Variants in DMXL1 observed in about 807,000 individuals in gnomAD.
DMXL1 encodes the protein dmX-like protein 1.
DMXL1 carries 99 observed loss-of-function variants against 319.2 expected under a neutral mutation model. The observed-to-expected ratio is 0.31, with a 90% CI of 0.26 to 0.37. DMXL1 has a LOEUF of 0.37. DMXL1 is among the 10% of genes least tolerant of loss of function. The pLI is 1.00. For missense variants in DMXL1, 3,745 were observed against 3,595.6 expected (o/e 1.04, Z -1.06); for synonymous variants, 1,385 against 1,235.2 (o/e 1.12, Z -2.54).
chr5:119,124,563 CTTT>C (rs34589863), intron 9 of DMXL1, among the ~76,000 whole-genome samples: 2,945 of 102,840 alleles, frequency 0.029, 55 homozygotes, highest in African/African-American at 0.097. Flanking sequence ...ATGGTGATGA[CTTT>C]TTTTTTTTTT....
chr5:119,145,202 A>G (rs1372627940), intron 15 of DMXL1, among the ~76,000 whole-genome samples: 1 of 151,834 alleles, frequency 6.6e-6, no homozygotes, highest in African/African-American at 2.4e-5. Context: ...TTATAAATCA[A>G]TTATACAGTA....
chr5:119,181,835 G>T (rs186103503), intron 28 of DMXL1, among the ~76,000 whole-genome samples: 1 of 151,486 alleles, frequency 6.6e-6, no homozygotes, highest in Non-Finnish European at 1.5e-5. Flanking sequence ...AAAGGAGCAG[G>T]CAGAAAGAGG....
intron 1 of DMXL1, among the ~76,000 whole-genome samples, chr5:119,090,987 C>T (rs1754671441): frequency 6.6e-6 from 1 of 151,978 alleles, no homozygotes; most frequent in South Asian, 2.1e-4. Context: ...TTCTCAGTTC[C>T]AAGATTTCTG....
intron 26 of DMXL1, among the ~76,000 whole-genome samples, chr5:119,175,980 G>A (rs989605568): frequency 1.3e-5 from 2 of 151,882 alleles, no homozygotes; most frequent in Non-Finnish European, 2.9e-5. Context: ...AACAGATATT[G>A]CAACTTCTGG....
chr5:119,225,345 TTC>T (rs1427588474), intron 38 of DMXL1, among the ~76,000 whole-genome samples: 1 of 152,076 alleles, frequency 6.6e-6, no homozygotes, highest in Non-Finnish European at 1.5e-5. Context: ...TCTTAAAAGT[TTC>T]TCTTCCTTCA....
rs370766657 is a variant in DMXL1 at position 119,147,514 on chromosome 5, G to A, written c.2911+44G>A. On this transcript the variant is annotated intron_variant, in intron 17 of 43. Transcript: ENST00000539542. ...AAGAGACTAATTTTGTAACACATGA[G>A]TATTTACCAGGTATTTAAAAATAGG... The A allele has an allele frequency of 5.7e-5, 76 of 1,330,136 alleles. 2 individuals carry two copies. Among genetic ancestry groups the A allele is most frequent in the Non-Finnish European group, 7.4e-5 (69 of 928,562 alleles). The allele number at this position is 1,330,136 out of a possible 1,614,324, so 82.4% of individuals were successfully genotyped here.
intron 4 of DMXL1, among the ~76,000 whole-genome samples, chr5:119,107,879 T>A (rs1281633163): frequency 6.6e-6 from 1 of 152,226 alleles, no homozygotes; most frequent in Non-Finnish European, 1.5e-5. Flanking sequence ...CTAGAGACTT[T>A]GTGCATATTA....
intron 19 of DMXL1, among the ~76,000 whole-genome samples, chr5:119,161,266 G>T (rs1254204121): frequency 6.6e-6 from 1 of 152,206 alleles, no homozygotes; most frequent in Non-Finnish European, 1.5e-5. Flanking sequence ...CAAGACCACT[G>T]TCAAGACCAC....
intron 24 of DMXL1, among the ~76,000 whole-genome samples, chr5:119,171,481 T>G (rs1774534278): frequency 6.6e-6 from 1 of 151,232 alleles, no homozygotes. Flanking sequence ...TCAGGCCTTA[T>G]GACCTGCTTA....
chr5:119,226,106 A>G (rs1785500444), intron 38 of DMXL1, among the ~76,000 whole-genome samples: 1 of 152,148 alleles, frequency 6.6e-6, no homozygotes, highest in African/African-American at 2.4e-5. Context: ...GCCACGCTCA[A>G]AGCTTCAAAG....
rs1347677876 is a variant in DMXL1, at chr5:119,133,136, T to C, written c.1320T>C (p.Thr440=). 5 of 1,613,854 alleles carry C rather than the reference T, an allele frequency of 3.1e-6. No individual in the cohort carries two copies. The highest frequency in any genetic ancestry group is 2.2e-5 in the East Asian group (1 of 44,864). The change falls in exon 11 of 44, where the codon ACT becomes ACC. Residue 440 remains threonine, a synonymous_variant. Transcript: ENST00000539542. ...CATGAACTCTTTTGCTTATAGAAAC[T>C]GATGATGGTGTTGATGATCTGAAAA... ...NQADVKSDEE[T]DDGVDDLKIN...
At chr5:119,163,296 A>G (rs1772668197) in intron 19 of DMXL1, among the ~76,000 whole-genome samples, 1 of 152,244 alleles carries the variant, frequency 6.6e-6, no homozygotes, top group Non-Finnish European at 1.5e-5. Flanking sequence ...CAAAGATTAT[A>G]TGAATATATT....
intron 13 of DMXL1, among the ~76,000 whole-genome samples, chr5:119,139,654 TA>T (rs1766844674): frequency 6.6e-6 from 1 of 152,108 alleles, no homozygotes; most frequent in East Asian, 1.9e-4. Context: ...CAAAGAGACA[TA>T]GACTCCCACA....
chr5:119,145,295 C>T lies in DMXL1; in HGVS notation c.2569+657C>T, dbSNP rs1014316624. ...GTTCAGACTTTTTTCTTCTCTTTTA[C>T]ATCATGTCTTTCTGCCACCTTTTCC... On this transcript the variant is annotated intron_variant, in intron 15 of 43. Coordinates refer to ENST00000539542, the MANE Select transcript of DMXL1 (RefSeq NM_001290321.3). Among the ~76,000 whole-genome samples the T allele has an allele frequency of 4.0e-5, 6 of 151,852 alleles. No individual in the cohort carries two copies. In the East Asian group the frequency reaches 1.2e-3, roughly 29 times the overall value.
chr5:119,103,083 T>C (rs912026640), intron 3 of DMXL1, among the ~76,000 whole-genome samples: 9 of 130,576 alleles, frequency 6.9e-5, no homozygotes, highest in African/African-American at 3.0e-4. Flanking sequence ...AATTAAAAGA[T>C]TTTTTTTTTT....
rs775975574 is a variant in DMXL1 at position 119,149,571 on chromosome 5, A to G, written c.3744A>G (p.Glu1248=). The G allele has an allele frequency of 3.1e-6, 5 of 1,613,828 alleles. No homozygotes were observed. In the Admixed American group the frequency reaches 6.7e-5, roughly 22 times the overall value. Residue 1248 remains glutamate (E), a synonymous_variant, in exon 18 of 44, where the codon GAA becomes GAG. Coordinates refer to ENST00000539542, the MANE Select transcript of DMXL1 (RefSeq NM_001290321.3). ...YCQWQPSSKQ[E]PVITDSYSGS... ...AATGGCAACCATCTTCTAAACAAGA[A>G]CCTGTTATAACAGATTCGTACAGTG... is the stretch of plus-strand genomic sequence containing the variant.
At chr5:119,222,431 T>C (rs1784804043) in intron 37 of DMXL1, among the ~76,000 whole-genome samples, 1 of 152,234 alleles carries the variant, frequency 6.6e-6, no homozygotes, top group Admixed American at 6.5e-5. Context: ...TTTTTCCAGC[T>C]GACAGATATG....
intron 37 of DMXL1, among the ~76,000 whole-genome samples, chr5:119,221,783 C>CT (rs34394187): frequency 0.56 from 81,741 of 145,982 alleles, 23,392 homozygotes; most frequent in East Asian, 0.95. Context: ...GACAAATATT[C>CT]TTTTTTTTTT....
chr5:119,123,711 G>C (rs1016611575), intron 9 of DMXL1, among the ~76,000 whole-genome samples: 2 of 38,940 alleles, frequency 5.1e-5, no homozygotes, highest in Non-Finnish European at 1.1e-4. Context: ...GCCCAGGCTG[G>C]TGTCAAACTC....
Sources: gnomAD v4.1 joint callset for allele counts (sites outside exome capture counted in the v4.1 genomes callset) on GRCh38, gnomAD v4.1.1 for gene constraint, MANE v1.5 for transcripts, NCBI Gene and HGNC (gene_info 2026-07-23, HGNC 2026-07-21) for gene names.